SLC25A12: variants seen among roughly 807,000 people sequenced by gnomAD.
SLC25A12 encodes the protein electrogenic aspartate/glutamate antiporter SLC25A12, mitochondrial.
Under a neutral mutation model 83.3 loss-of-function variants are expected in SLC25A12, and 32 were observed. That is an observed-to-expected ratio of 0.38 (90% CI 0.29 to 0.52). The LOEUF is 0.52. Ranked by LOEUF, SLC25A12 falls within the 20% of genes least tolerant of loss-of-function variation. The pLI, the probability that SLC25A12 is intolerant of heterozygous loss-of-function variation, is 0.84. For synonymous variants in SLC25A12, 267 were observed against 291.1 expected, an observed-to-expected ratio of 0.92 and a Z score of 0.84; for missense variants, 611 against 835.6, an observed-to-expected ratio of 0.73 and a Z score of 3.31.
chr2:171,840,381 G>A (rs2105891872), intron 5 of SLC25A12, among the ~76,000 whole-genome samples: 1 of 149,824 alleles, frequency 6.7e-6, no homozygotes, highest in East Asian at 2.0e-4. Flanking sequence ...GTAAGACCCT[G>A]ACTCAAAAAA....
intron 4 of SLC25A12, among the ~76,000 whole-genome samples, chr2:171,849,553 G>A (rs1684873766): frequency 7.1e-6 from 1 of 140,694 alleles, no homozygotes; most frequent in Non-Finnish European, 1.5e-5. Context: ...AGTCAGTGGT[G>A]TGATCTTTTT....
intron 15 of SLC25A12, chr2:171,788,313 T>A (rs1222020606): frequency 8.7e-6 from 2 of 229,108 alleles, no homozygotes; most frequent in South Asian, 1.2e-4. Context: ...AGTATTTTTA[T>A]GTATAAAAAA....
intron 2 of SLC25A12, among the ~76,000 whole-genome samples, chr2:171,882,062 C>T (rs1267597098): frequency 2.0e-5 from 3 of 152,200 alleles, no homozygotes; most frequent in Non-Finnish European, 4.4e-5. Context: ...CTACCAAATA[C>T]AGCAGTGTTG....
intron 4 of SLC25A12, among the ~76,000 whole-genome samples, chr2:171,850,761 A>G (rs1684910769): frequency 6.6e-6 from 1 of 152,084 alleles, no homozygotes; most frequent in African/African-American, 2.4e-5. Flanking sequence ...GCACCTGGCC[A>G]CCATAGAACT....
chr2:171,847,558 C>T (rs1684825690), intron 4 of SLC25A12, among the ~76,000 whole-genome samples: 1 of 152,172 alleles, frequency 6.6e-6, no homozygotes, highest in Admixed American at 6.5e-5. Flanking sequence ...GAGAGAATCC[C>T]ATCTTTCCAG....
At chr2:171,875,120 A>G (rs1241479891) in intron 2 of SLC25A12, among the ~76,000 whole-genome samples, 9 of 152,126 alleles carry the variant, frequency 5.9e-5, no homozygotes, top group East Asian at 1.9e-4. Flanking sequence ...TGTGACCTTT[A>G]TAACTTCACT....
At chr2:171,880,304 A>G (rs1449381612) in intron 2 of SLC25A12, among the ~76,000 whole-genome samples, 2 of 152,116 alleles carry the variant, frequency 1.3e-5, no homozygotes, top group African/African-American at 4.8e-5. Context: ...TTTTTTTGAG[A>G]TGGAGTCTCC....
chr2:171,884,603 T>G (rs1257577399), intron 2 of SLC25A12, among the ~76,000 whole-genome samples: 1 of 150,886 alleles, frequency 6.6e-6, no homozygotes, highest in Non-Finnish European at 1.5e-5. Flanking sequence ...TACCCCCATC[T>G]CTACTAAAAA....
intron 13 of SLC25A12, among the ~76,000 whole-genome samples, chr2:171,801,786 T>C (rs978243974): frequency 1.3e-5 from 2 of 152,160 alleles, no homozygotes; most frequent in East Asian, 1.9e-4. Context: ...TTAGGTAGGA[T>C]AGGCTAAGCT....
In SLC25A12 at chr2:171,849,204, AATAC is replaced by A. The variant is rs201012259; in HGVS notation, c.326-4700_326-4697del. Among the ~76,000 whole-genome samples the A allele has an allele frequency of 1.5e-4, 23 of 151,804 alleles. 1 individual carries two copies. Among genetic ancestry groups the A allele is most frequent in the African/African-American group, 9.7e-5 (4 of 41,182 alleles). Reference sequence around the variant, plus strand: ...GACCGTGTCTCAAAATTAATAAATAAATACATACATACATACATACATACTATTA... The same window carrying A: ...GACCGTGTCTCAAAATTAATAAATAAATACATACATACATACATACTATTA... On this transcript the variant is annotated intron_variant, in intron 4 of 17. Coordinates refer to ENST00000422440, the MANE Select transcript of SLC25A12 (RefSeq NM_003705.5).
intron 9 of SLC25A12, among the ~76,000 whole-genome samples, chr2:171,825,906 C>G (rs1242104195): frequency 6.6e-6 from 1 of 152,144 alleles, no homozygotes; most frequent in Non-Finnish European, 1.5e-5. Context: ...TTTGTAAAAT[C>G]AGAAATGGGA....
At chr2:171,865,804 T>A (rs1029415222) in intron 3 of SLC25A12, among the ~76,000 whole-genome samples, 8 of 152,114 alleles carry the variant, frequency 5.3e-5, no homozygotes, top group African/African-American at 1.9e-4. Context: ...TTGCCTGGCA[T>A]CCTCATATTT....
At chr2:171,796,488 A>AC (rs112487258) in intron 13 of SLC25A12, among the ~76,000 whole-genome samples, 2,146 of 152,274 alleles carry the variant, frequency 0.014, 55 homozygotes, top group African/African-American at 0.047. Flanking sequence ...TCTGACAATT[A>AC]ATGATTTGTA....
intron 9 of SLC25A12, among the ~76,000 whole-genome samples, chr2:171,818,859 T>C (rs1017117323): frequency 1.3e-5 from 2 of 151,726 alleles, no homozygotes; most frequent in Non-Finnish European, 2.9e-5. Context: ...GAGAAATAGC[T>C]AAAGTTTTTA....
intron 2 of SLC25A12, among the ~76,000 whole-genome samples, chr2:171,883,773 G>T (rs1055976706): frequency 2.0e-5 from 3 of 152,050 alleles, no homozygotes; most frequent in Non-Finnish European, 2.9e-5. Flanking sequence ...CTTGAAAAAT[G>T]ATTTAAAAAA....
intron 2 of SLC25A12, among the ~76,000 whole-genome samples, 160 bp downstream of exon 2, chr2:171,893,045 A>C (rs1235629941): frequency 1.3e-5 from 2 of 152,208 alleles, no homozygotes; most frequent in Admixed American, 1.3e-4. Context: ...GAAGGCCTTA[A>C]ATCAAACCTT....
At chr2:171,810,077 TG>T (rs1182292920) in intron 12 of SLC25A12, 146 bp downstream of exon 12, 3 of 699,204 alleles carry the variant, frequency 4.3e-6, no homozygotes, top group African/African-American at 1.8e-5. Context: ...ATGCTTATGC[TG>T]GTTTAGAACT....
chr2:171,871,127 G>T (rs1218003676), intron 2 of SLC25A12, among the ~76,000 whole-genome samples: 3 of 152,106 alleles, frequency 2.0e-5, no homozygotes, highest in African/African-American at 7.2e-5. Context: ...ACTGGAACTT[G>T]GGAGGTCGAG....
At chr2:171,891,520 G>A (rs2105936431) in intron 2 of SLC25A12, among the ~76,000 whole-genome samples, 1 of 152,304 alleles carries the variant, frequency 6.6e-6, no homozygotes, top group African/African-American at 2.4e-5. Flanking sequence ...AAGGCCAGAT[G>A]ATTAGCCTAA....
Sources: gnomAD v4.1 joint callset for allele counts (sites outside exome capture counted in the v4.1 genomes callset) on GRCh38, gnomAD v4.1.1 for gene constraint, MANE v1.5 for transcripts, NCBI Gene and HGNC (gene_info 2026-07-23, HGNC 2026-07-21) for gene names.